Variants in DCBLD2 observed in about 807,000 individuals in gnomAD.
DCBLD2 encodes discoidin, CUB and LCCL domain-containing protein 2.
A neutral mutation model predicts 86.8 loss-of-function variants in DCBLD2; 54 were observed. The observed-to-expected ratio is 0.62, with a 90% CI of 0.50 to 0.78. The LOEUF (loss-of-function observed/expected upper bound fraction) is 0.78, where lower values mean the gene tolerates loss of function less well. DCBLD2 is among the 30% of genes least tolerant of loss of function. DCBLD2 has a pLI of 0.00. For synonymous variants in DCBLD2, 354 were observed against 341.3 expected (o/e 1.04, Z -0.41); for missense variants, 908 against 954.2 (o/e 0.95, Z 0.64).
chr3:98,888,080 T>C (rs566930371), intron 1 of DCBLD2, among the ~76,000 whole-genome samples: 159 of 152,152 alleles, frequency 1.0e-3, no homozygotes, highest in African/African-American at 3.6e-3. Context: ...AATCACATAG[T>C]TGGTAGCCTT....
Position 98,885,350 on chromosome 3 carries a change from C to T in DCBLD2, c.206-3583G>A, listed in dbSNP as rs72936671. The stretch of plus-strand genomic sequence containing the variant: ...TGACTGGATAAATAGCTTAACTAAG[C>T]ACCTACTGCTATGAAATATATGTTC... On this transcript the variant is annotated intron_variant, in intron 1 of 15. Coordinates refer to ENST00000326840, the MANE Select transcript of DCBLD2 (RefSeq NM_080927.4). Among the ~76,000 whole-genome samples, 1,121 of 152,168 alleles carry T rather than the reference C, an allele frequency of 7.4e-3. 12 individuals carry two copies. Among genetic ancestry groups the T allele is most frequent in the African/African-American group, 0.026 (1,071 of 41,536 alleles).
intron 1 of DCBLD2, 108 bp downstream of exon 1, chr3:98,901,014 G>C (rs1247009374): frequency 1.1e-5 from 17 of 1,512,090 alleles, no homozygotes; most frequent in Non-Finnish European, 1.4e-5. Context: ...GGCCACGCAC[G>C]AAAGCGCACC....
At chr3:98,867,519 TTC>T (rs1943174432) in intron 2 of DCBLD2, among the ~76,000 whole-genome samples, 3 of 152,122 alleles carry the variant, frequency 2.0e-5, no homozygotes, top group Admixed American at 2.0e-4. Flanking sequence ...TATAATCCAA[TTC>T]AATTTTCTAG....
At position 98,829,886 on chromosome 3, in the gene DCBLD2, C is replaced by A. The variant is rs115081054; in HGVS notation, c.572-4520G>T. Among the ~76,000 whole-genome samples the A allele has an allele frequency of 6.0e-3, 921 of 152,262 alleles. 6 individuals are homozygous for A. The highest frequency in any genetic ancestry group is 0.021 in the African/African-American group (864 of 41,548). ...ACAGCGTTTAAGTGTTCCCTTTTCT[C>A]CATAACCTCATTAGCATGTTATTTT... On this transcript the variant is annotated intron_variant, in intron 3 of 15. Transcript: ENST00000326840.
chr3:98,832,246 T>C (rs2107459986), intron 3 of DCBLD2, among the ~76,000 whole-genome samples: 1 of 152,330 alleles, frequency 6.6e-6, no homozygotes, highest in Middle Eastern at 3.4e-3. Context: ...TGTCTGAAAT[T>C]AGGGTTGCAA....
At chr3:98,825,451 G>T in intron 3 of DCBLD2, 85 bp from the exon 4 acceptor site, 2 of 1,060,824 alleles carry the variant, frequency 1.9e-6, no homozygotes, top group Non-Finnish European at 2.7e-6. Context: ...ATCCCAAACT[G>T]TACTACTCTA....
intron 2 of DCBLD2, among the ~76,000 whole-genome samples, chr3:98,867,626 C>G (rs550073514): frequency 4.9e-4 from 75 of 152,078 alleles, no homozygotes; most frequent in Non-Finnish European, 7.8e-4. Flanking sequence ...CCTTAGAAAA[C>G]TAATAGACTT....
intron 3 of DCBLD2, among the ~76,000 whole-genome samples, chr3:98,840,755 C>A (rs548887002): frequency 1.3e-5 from 2 of 152,236 alleles, no homozygotes; most frequent in Non-Finnish European, 2.9e-5. Flanking sequence ...ACCTCCCAAA[C>A]TGTTGAGAAG....
chr3:98,812,602 T>C (rs278378), intron 9 of DCBLD2, 120 bp from the exon 10 acceptor site: 762,497 of 768,916 alleles, frequency 0.99, 378,343 homozygotes, highest in East Asian at 1. Context: ...GAAAGTATGA[T>C]AATAAGGATC....
In DCBLD2 at chr3:98,799,051, C is replaced by A; in HGVS notation, c.*321G>T. ...AGCCATCTCGAGTTCATTAATGTAC[C>A]TGCAGCATTGGTAATAAATACTCTG... On this transcript the variant is annotated 3_prime_UTR_variant, in exon 16 of 16. Transcript: ENST00000326840. The A allele has an allele frequency of 4.5e-6, 1 of 223,068 alleles. No individual in the cohort carries two copies. The highest frequency in any genetic ancestry group is 8.9e-6 in the Non-Finnish European group (1 of 112,194). The allele number at this position is 223,068 out of a possible 1,614,324, so 13.8% of individuals were successfully genotyped here. A position where few individuals can be genotyped will look rare whatever the true frequency, so the allele number is the denominator to read the frequency against.
At position 98,812,449 on chromosome 3, in the gene DCBLD2, C is replaced by T; in HGVS notation, c.1246G>A (p.Val416Met). 1 of 1,613,268 alleles carries T rather than the reference C, an allele frequency of 6.2e-7. No homozygotes were observed. The highest frequency in any genetic ancestry group is 8.5e-7 in the Non-Finnish European group (1 of 1,179,552). The stretch of plus-strand genomic sequence containing the variant: ...ATTGGTGGCAAAAAGTTATTACGCA[C>T]ATCCTGGTGATAATCTTTGTTTCCT... ...FQGNKDYHQD[V>M]RNNFLPPIIA... The change falls in exon 10 of 16, where the codon GTG (valine) becomes ATG (methionine). Residue 416 changes from valine to methionine, a missense_variant. Transcript: ENST00000326840.
chr3:98,815,285 A>G (rs1942001421), intron 9 of DCBLD2: 1 of 152,218 alleles, frequency 6.6e-6, no homozygotes, highest in Admixed American at 6.5e-5. Context: ...GAGGTAGAAC[A>G]GAGAAACCTC....
chr3:98,854,994 T>A (rs531763538), intron 2 of DCBLD2, among the ~76,000 whole-genome samples: 1 of 152,236 alleles, frequency 6.6e-6, no homozygotes, highest in Non-Finnish European at 1.5e-5. Context: ...AAATAATTAG[T>A]AAACGCAAAC....
At chr3:98,806,687 T>G (rs1377204237) in intron 13 of DCBLD2, among the ~76,000 whole-genome samples, 1 of 152,208 alleles carries the variant, frequency 6.6e-6, no homozygotes, top group Non-Finnish European at 1.5e-5. Context: ...CAGCCAAATA[T>G]TCAAATACTT....
intron 1 of DCBLD2, among the ~76,000 whole-genome samples, chr3:98,884,504 A>C (rs2107525098): frequency 6.6e-6 from 1 of 152,202 alleles, no homozygotes; most frequent in East Asian, 1.9e-4. Flanking sequence ...GATATAAAAA[A>C]ATCTACTGTG....
intron 3 of DCBLD2, among the ~76,000 whole-genome samples, chr3:98,830,457 C>CT (rs1343293572): frequency 1.3e-5 from 2 of 152,206 alleles, no homozygotes; most frequent in Non-Finnish European, 2.9e-5. Context: ...CTGCATATGG[C>CT]TAGCCAGTTA....
At position 98,800,682 on chromosome 3, in the gene DCBLD2, T is replaced by G. The variant is rs759347951; in HGVS notation, c.1755A>C (p.Ala585=). The change falls in exon 15 of 16, where the codon GCA becomes GCC. Residue 585 remains alanine (A), a synonymous_variant. Coordinates refer to ENST00000326840, the MANE Select transcript of DCBLD2 (RefSeq NM_080927.4). ...WWKGMKQFLP[A]KAVDHEETPV... ...GGGTTTCCTCATGGTCCACTGCTTTTGCAGGAAGAAACTGCTTCATTCCTT... is the reference window on the plus strand; with the variant it reads ...GGGTTTCCTCATGGTCCACTGCTTTGGCAGGAAGAAACTGCTTCATTCCTT... The G allele has an allele frequency of 3.1e-6, 5 of 1,613,834 alleles. No individual in the cohort carries two copies. The highest frequency in any genetic ancestry group is 4.2e-6 in the Non-Finnish European group (5 of 1,179,870).
chr3:98,821,491 A>G (rs1364014251), intron 6 of DCBLD2, among the ~76,000 whole-genome samples: 1 of 152,264 alleles, frequency 6.6e-6, no homozygotes, highest in Non-Finnish European at 1.5e-5. Flanking sequence ...AATAATGCTT[A>G]TGATGTAACA....
chr3:98,807,238 C>T (rs753889575), intron 13 of DCBLD2, among the ~76,000 whole-genome samples: 18 of 152,184 alleles, frequency 1.2e-4, no homozygotes, highest in Non-Finnish European at 2.2e-4. Context: ...TTCACTCAAA[C>T]AATTGGCTCA....
Sources: gnomAD v4.1 joint callset for allele counts (sites outside exome capture counted in the v4.1 genomes callset) on GRCh38, gnomAD v4.1.1 for gene constraint, MANE v1.5 for transcripts, NCBI Gene and HGNC (gene_info 2026-07-23, HGNC 2026-07-21) for gene names.